Variants in VCAM1 observed in about 807,000 individuals in gnomAD.
VCAM1 encodes the protein vascular cell adhesion protein 1.
In VCAM1, 41 loss-of-function variants were observed where a neutral mutation model predicts 63.8. The ratio of observed to expected loss-of-function variants is 0.64; its 90% CI spans 0.50 to 0.83. The LOEUF (loss-of-function observed/expected upper bound fraction) is 0.83, where lower values mean the gene tolerates loss of function less well. Among genes scored for constraint, VCAM1 ranks in the 40% least tolerant of loss-of-function variants. VCAM1 has a pLI of 0.00. For synonymous variants in VCAM1, 338 were observed against 320.7 expected (o/e 1.05, Z -0.58); for missense variants, 798 against 875.5 (o/e 0.91, Z 1.12).
chr1:100,732,402 G>A lies in VCAM1; in HGVS notation c.1526-16G>A, dbSNP rs370480736. 116 of 1,533,724 alleles carry A rather than the reference G, an allele frequency of 7.6e-5. No homozygotes were observed. Among genetic ancestry groups the A allele is most frequent in the Admixed American group, 3.1e-4 (14 of 44,546 alleles). On this transcript the variant is annotated splice_polypyrimidine_tract_variant and intron_variant, in intron 6 of 8. Transcript: ENST00000294728. ...GGCATAATAGGTCAAGCTAACAAGC[G>A]TCTCTGCCTTTTCAGTTGCCCCCAG...
Position 100,731,449 on chromosome 1 carries a change from A to G in VCAM1, c.1456A>G (p.Lys486Glu). The change falls in exon 6 of 9, where the codon AAG becomes GAG. Residue 486 changes from lysine (K) to glutamate (E), a missense_variant. Transcript: ENST00000294728. The surrounding 1 kb of genome is among the most constrained non-coding windows in gnomAD (Gnocchi z 4.2). ...DTGKALVCQAKLHIDDMEFEP... is the reference protein window; with the variant it reads ...DTGKALVCQAELHIDDMEFEP... ...TGGAAAAGCTCTTGTTTGTCAGGCT[A>G]AGTTACATATTGATGACATGGAATT... is the stretch of plus-strand genomic sequence containing the variant. 6.2e-7 allele frequency: 1 copy of G among 1,613,756 alleles called. No individual in the cohort carries two copies. The highest frequency in any genetic ancestry group is 8.5e-7 in the Non-Finnish European group (1 of 1,179,832).
At chr1:100,727,649 A>G (rs894500703) in intron 4 of VCAM1, among the ~76,000 whole-genome samples, 4 of 152,072 alleles carry the variant, frequency 2.6e-5, no homozygotes, top group South Asian at 2.1e-4. Flanking sequence ...TACTCCTCCA[A>G]TGGTTCCAAG....
At position 100,725,006 on chromosome 1, in the gene VCAM1, T is replaced by C. The variant is rs1021186590; in HGVS notation, c.928+116T>C. On this transcript the variant is annotated intron_variant, in intron 4 of 8. Transcript: ENST00000294728. ...TTAGTTTCACTGATGACCTATCTGA[T>C]TGCCATATCCTTTAGCACAAATATA... 9.0e-6 allele frequency: 12 copies of C among 1,326,124 alleles called. No individual in the cohort carries two copies. In the African/African-American group the frequency reaches 1.6e-4, roughly 18 times the overall value. The allele number at this position is 1,326,124 out of a possible 1,614,324, so 82.1% of individuals were successfully genotyped here.
chr1:100,732,332 C>A, intron 6 of VCAM1, 86 bp from the exon 7 acceptor site: 4 of 1,388,942 alleles, frequency 2.9e-6, no homozygotes, highest in East Asian at 2.5e-5. Flanking sequence ...TCTGCTGAAT[C>A]CATAGCCCAG....
chr1:100,720,457 T>A lies in VCAM1; in HGVS notation c.65-19T>A, dbSNP rs748144955. The A allele has an allele frequency of 1.9e-6, 3 of 1,600,202 alleles. No individual in the cohort carries two copies. The Admixed American group carries it at 5.1e-5, about 27-fold the overall frequency. The stretch of plus-strand genomic sequence containing the variant: ...CAAACTAGTGGTAAATTTGCTTCTG[T>A]CTTTTTTTGCTTTTGCAGCTCAAGC... On this transcript the variant is annotated intron_variant, in intron 1 of 8. Coordinates refer to ENST00000294728, the MANE Select transcript of VCAM1 (RefSeq NM_001078.4).
chr1:100,734,891 T>A (rs1345684336), intron 8 of VCAM1, 123 bp downstream of exon 8: 1 of 1,268,002 alleles, frequency 7.9e-7, no homozygotes, highest in Non-Finnish European at 1.1e-6. Flanking sequence ...TCTTAAGGAT[T>A]CTTGGAAAAA....
At chr1:100,735,291 C>G (rs904681099) in intron 8 of VCAM1, 1 of 154,410 alleles carries the variant, frequency 6.5e-6, no homozygotes, top group Non-Finnish European at 1.4e-5. Context: ...AATTCCAACC[C>G]ACTTGCCATC....
At chr1:100,734,866 G>T (rs2100835213) in intron 8 of VCAM1, 98 bp downstream of exon 8, 1 of 1,402,670 alleles carries the variant, frequency 7.1e-7, no homozygotes, top group Non-Finnish European at 9.7e-7. Flanking sequence ...TGGCAAAATG[G>T]AGCTGTGGTT....
rs754442853 is a variant in VCAM1, at chr1:100,724,657, C to T, written c.695C>T (p.Pro232Leu). The T allele has an allele frequency of 3.1e-6, 5 of 1,612,844 alleles. No homozygotes were observed. The South Asian group carries it at 5.5e-5, about 18-fold the overall frequency. ...SPKNTVISVN[P>L]STKLQEGGSV... ...AAGAATACAGTTATTTCTGTGAATC[C>T]ATCCACAAAGCTGCAAGAAGGTGGC... Residue 232 changes from proline to leucine, a missense_variant, in exon 4 of 9, where the codon CCA becomes CTA. Physicochemically the swap from Pro to Leu is moderately conservative, Grantham distance 98. Coordinates refer to ENST00000294728, the MANE Select transcript of VCAM1 (RefSeq NM_001078.4).
chr1:100,734,433 T>G, intron 7 of VCAM1, 69 bp from the exon 8 acceptor site: 5 of 1,509,716 alleles, frequency 3.3e-6, no homozygotes, highest in Middle Eastern at 2.0e-4. Flanking sequence ...ATTGTTGATG[T>G]CGCTAAATTA....
rs1660740170 is a variant in VCAM1, at chr1:100,738,522, T to C, written c.*239T>C. On this transcript the variant is annotated 3_prime_UTR_variant, in exon 9 of 9. Transcript: ENST00000294728. ...AACTGGAGGAGTTCCTTGATCTGTA[T>C]ATACAATAACATAATTTGTACATAT... The C allele has an allele frequency of 3.1e-6, 1 of 319,774 alleles. No homozygotes were observed. The highest frequency in any genetic ancestry group is 4.6e-5 in the Admixed American group (1 of 21,510). 19.8% of individuals were successfully genotyped at this position (319,774 alleles called of 1,614,324 possible). A position where few individuals can be genotyped will look rare whatever the true frequency, so the allele number is the denominator to read the frequency against.
chr1:100,724,504 A>C, intron 3 of VCAM1, 120 bp from the exon 4 acceptor site: 4 of 1,168,524 alleles, frequency 3.4e-6, no homozygotes, highest in Non-Finnish European at 4.8e-6. Flanking sequence ...TCTTTATACT[A>C]ATTTGGCAGA....
At chr1:100,736,634 C>T (rs1344540080) in intron 8 of VCAM1, 2 of 152,150 alleles carry the variant, frequency 1.3e-5, no homozygotes, top group Non-Finnish European at 2.9e-5. Flanking sequence ...TTCTGTTTCT[C>T]AGCATGTCAT....
At chr1:100,729,812 G>C (rs1437604612) in intron 5 of VCAM1, among the ~76,000 whole-genome samples, 1 of 152,068 alleles carries the variant, frequency 6.6e-6, no homozygotes, top group Non-Finnish European at 1.5e-5. Context: ...AAAAATAAGG[G>C]AATAGGAAGC....
At position 100,734,624 on chromosome 1, in the gene VCAM1, G is replaced by A; in HGVS notation, c.1915G>A (p.Ala639Thr). Reference sequence around the variant, plus strand: ...AACATGGATAATCCTGAAGAAAAAAGCGGAGACAGGAGACACAGTACTAAA... The same window carrying A: ...AACATGGATAATCCTGAAGAAAAAAACGGAGACAGGAGACACAGTACTAAA... ...PETWIILKKK[A>T]ETGDTVLKSI... The change falls in exon 8 of 9, where the codon GCG becomes ACG. Residue 639 changes from alanine to threonine, a missense_variant. Transcript: ENST00000294728. 2 of 1,613,960 alleles carry A rather than the reference G, an allele frequency of 1.2e-6. No individual in the cohort carries two copies. The highest frequency in any genetic ancestry group is 1.7e-6 in the Non-Finnish European group (2 of 1,179,914).
At position 100,731,349 on chromosome 1, in the gene VCAM1, T is replaced by C; in HGVS notation, c.1356T>C (p.Phe452=). The change falls in exon 6 of 9, where the codon TTT becomes TTC. Residue 452 remains phenylalanine, a synonymous_variant. Transcript: ENST00000294728. The surrounding 1 kb of genome is among the most constrained non-coding windows in gnomAD (Gnocchi z 4.2). ...KGETILENIE[F]LEDTDMKSLE... ...AGACTATTCTGGAGAATATAGAGTT[T>C]TTGGAGGATACGGATATGAAATCTC... 6.2e-7 allele frequency: 1 copy of C among 1,613,748 alleles called. No homozygotes were observed. Among genetic ancestry groups the C allele is most frequent in the Non-Finnish European group, 8.5e-7 (1 of 1,179,848 alleles).
chr1:100,726,843 T>G (rs148226995), intron 4 of VCAM1, among the ~76,000 whole-genome samples: 13 of 152,170 alleles, frequency 8.5e-5, no homozygotes, highest in African/African-American at 3.1e-4. Context: ...TAATATATCT[T>G]TTTAAATGTG....
rs1268558328 is a variant in VCAM1 at position 100,723,488 on chromosome 1, A to G, written c.661+148A>G. 18 of 888,230 alleles carry G rather than the reference A, an allele frequency of 2.0e-5. 1 individual carries two copies. In the African/African-American group the frequency reaches 2.0e-4, roughly 10 times the overall value. 55.0% of individuals were successfully genotyped at this position (888,230 alleles called of 1,614,324 possible). A position where few individuals can be genotyped will look rare whatever the true frequency, so the allele number is the denominator to read the frequency against. On this transcript the variant is annotated intron_variant, in intron 3 of 8. Transcript: ENST00000294728. ...TTCATTCACAACATAATGTTTGTCA[A>G]TAGTATAATTCAGTGAAAAGAACAC...
chr1:100,720,893 G>C (rs1474579974), intron 2 of VCAM1, 142 bp downstream of exon 2: 1 of 1,062,442 alleles, frequency 9.4e-7, no homozygotes. Context: ...AGGAAAGCTA[G>C]GGACAGCTAA....
Sources: allele counts gnomAD v4.1 joint callset (sites outside exome capture counted in the v4.1 genomes callset), GRCh38; gene constraint gnomAD v4.1.1; non-coding constraint Gnocchi (gnomAD v3.1); transcripts MANE v1.5; gene names NCBI Gene and HGNC (gene_info 2026-07-23, HGNC 2026-07-21).